SYNJ2: variants seen among roughly 807,000 people sequenced by gnomAD.
The protein encoded by SYNJ2 is synaptojanin 2, also known as polyphosphatidylinositol phosphatase SYNJ2.
SYNJ2 carries 116 observed loss-of-function variants against 141.3 expected under a neutral mutation model. The observed-to-expected ratio is 0.82, with a 90% CI of 0.71 to 0.96. SYNJ2 has a LOEUF of 0.96. Among genes scored for constraint, SYNJ2 ranks in the 40% least tolerant of loss-of-function variants. SYNJ2 has a pLI of 0.00. For synonymous variants in SYNJ2, 745 were observed against 777.7 expected, an observed-to-expected ratio of 0.96 and a Z score of 0.70; for missense variants, 1,873 against 1,934.8, an observed-to-expected ratio of 0.97 and a Z score of 0.60.
In SYNJ2 at chr6:158,062,175, C is replaced by T; in HGVS notation, c.1127+11C>T. On this transcript the variant is annotated intron_variant, in intron 8 of 26. Transcript: ENST00000355585. ...GAACGTCAGTCCACGGTGAGGCTCG[C>T]TGCGCACTGTGCCGCGTCTTCTGCT... is the stretch of plus-strand genomic sequence containing the variant. The T allele has an allele frequency of 1.2e-6, 2 of 1,610,736 alleles. No homozygotes were observed. Among genetic ancestry groups the T allele is most frequent in the East Asian group, 2.2e-5 (1 of 44,798 alleles).
chr6:157,999,609 C>T (rs982413220), intron 1 of SYNJ2, among the ~76,000 whole-genome samples: 2 of 152,206 alleles, frequency 1.3e-5, no homozygotes, highest in African/African-American at 4.8e-5. Flanking sequence ...GTGCTAGAGG[C>T]GGACAACAGC....
At chr6:158,029,273 G>A (rs369856745) in intron 3 of SYNJ2, 3 of 418,574 alleles carry the variant, frequency 7.2e-6, no homozygotes, top group African/African-American at 2.0e-5. Context: ...CCTGCGCCAG[G>A]CATGGTGCCT....
chr6:158,088,033 AATTTT>A lies in SYNJ2; in HGVS notation c.3344-626_3344-622del, dbSNP rs1783182734. Among the ~76,000 whole-genome samples the A allele has an allele frequency of 3.1e-3, 115 of 36,844 alleles. 4 individuals carry two copies. Among genetic ancestry groups the A allele is most frequent in the Non-Finnish European group, 4.3e-3 (74 of 17,246 alleles). 24.2% of individuals were successfully genotyped at this position (36,844 alleles called of 152,430 possible). ...TTAACAGTTTATTCCCCTGCTTTGG[AATTTT>A]TTTTTTTTTTTTTTTTTTTTTTTTT... is the stretch of plus-strand genomic sequence containing the variant. On this transcript the variant is annotated intron_variant, in intron 23 of 26. Coordinates refer to ENST00000355585, the MANE Select transcript of SYNJ2 (RefSeq NM_003898.4).
intron 26 of SYNJ2, chr6:158,094,009 G>A: frequency 2.6e-6 from 2 of 764,940 alleles, no homozygotes; most frequent in Non-Finnish European, 4.8e-6. Context: ...TCTTCCGTTT[G>A]ATCTCAGTGT....
Position 158,067,889 on chromosome 6 carries a change from T to C in SYNJ2, c.1718-758T>C, listed in dbSNP as rs1781661851. On this transcript the variant is annotated intron_variant, in intron 12 of 26. Coordinates refer to ENST00000355585, the MANE Select transcript of SYNJ2 (RefSeq NM_003898.4). ...GGAGCAGGCCCATCAACGCGGAGAGTGCTTAGCACAGCCGTGGCTCAAGAG... is the reference window on the plus strand; with the variant it reads ...GGAGCAGGCCCATCAACGCGGAGAGCGCTTAGCACAGCCGTGGCTCAAGAG... 6.1e-6 allele frequency: 6 copies of C among 984,638 alleles called. No homozygotes were observed. In the Admixed American group the frequency reaches 3.1e-4, roughly 51 times the overall value. 61.0% of individuals were successfully genotyped at this position (984,638 alleles called of 1,614,324 possible). A position where few individuals can be genotyped will look rare whatever the true frequency, so the allele number is the denominator to read the frequency against.
chr6:158,012,556 G>T (rs1293886047), intron 1 of SYNJ2, among the ~76,000 whole-genome samples: 1 of 152,222 alleles, frequency 6.6e-6, no homozygotes, highest in East Asian at 1.9e-4. Flanking sequence ...GCAGCCTTCG[G>T]AGCAGATGCA....
intron 4 of SYNJ2, among the ~76,000 whole-genome samples, chr6:158,036,879 G>T (rs970790126): frequency 6.6e-6 from 1 of 152,152 alleles, no homozygotes; most frequent in Admixed American, 6.5e-5. Context: ...CATGGGGAGA[G>T]TCCCTTCCCT....
chr6:158,017,633 C>G (rs969231543), intron 2 of SYNJ2: 2 of 427,886 alleles, frequency 4.7e-6, no homozygotes, highest in Non-Finnish European at 9.5e-6. Context: ...TCAGGCTGGT[C>G]TGAAACTCCG....
chr6:158,011,148 A>G (rs1407023481), intron 1 of SYNJ2, among the ~76,000 whole-genome samples: 1 of 152,176 alleles, frequency 6.6e-6, no homozygotes, highest in Non-Finnish European at 1.5e-5. Context: ...ACGAGGGGAC[A>G]TATTGGGAGA....
At chr6:158,022,888 C>T (rs898887190) in intron 2 of SYNJ2, among the ~76,000 whole-genome samples, 37 of 152,178 alleles carry the variant, frequency 2.4e-4, no homozygotes, top group African/African-American at 7.5e-4. Context: ...ACCACACTGA[C>T]GGTGGCCCGG....
chr6:158,068,440 G>A (rs1781701730), intron 12 of SYNJ2, among the ~76,000 whole-genome samples: 1 of 152,228 alleles, frequency 6.6e-6, no homozygotes, highest in Non-Finnish European at 1.5e-5. Flanking sequence ...ATGGACGGAG[G>A]GCCCCTCTGG....
chr6:158,082,302 C>T (rs1375356024), intron 20 of SYNJ2, among the ~76,000 whole-genome samples: 2 of 152,086 alleles, frequency 1.3e-5, no homozygotes, highest in Non-Finnish European at 2.9e-5. Flanking sequence ...GCCTGGCCAA[C>T]ATAGTGAAAC....
chr6:158,004,837 C>T (rs1438539111), intron 1 of SYNJ2, among the ~76,000 whole-genome samples: 10 of 152,020 alleles, frequency 6.6e-5, no homozygotes, highest in African/African-American at 2.4e-4. Context: ...GGTGAGTTTT[C>T]CCTCTTTCTC....
At chr6:158,094,269 A>G (rs1783659488) in intron 26 of SYNJ2, among the ~76,000 whole-genome samples, 1 of 152,112 alleles carries the variant, frequency 6.6e-6, no homozygotes. Flanking sequence ...GTTACATCCC[A>G]ATAAACCCAT....
At chr6:158,003,156 A>G (rs1308667604) in intron 1 of SYNJ2, among the ~76,000 whole-genome samples, 3 of 152,168 alleles carry the variant, frequency 2.0e-5, no homozygotes, top group Admixed American at 6.5e-5. Context: ...GGTGGGAGGT[A>G]GTGCATTTGC....
At chr6:157,992,806 T>C (rs942656702) in intron 1 of SYNJ2, among the ~76,000 whole-genome samples, 1 of 152,342 alleles carries the variant, frequency 6.6e-6, no homozygotes, top group Non-Finnish European at 1.5e-5. Context: ...AGTACTCCAC[T>C]GTGTATATGT....
intron 1 of SYNJ2, among the ~76,000 whole-genome samples, chr6:157,987,438 T>C (rs1463487082): frequency 3.3e-5 from 5 of 152,178 alleles, no homozygotes; most frequent in Non-Finnish European, 7.4e-5. Flanking sequence ...TCTTGCTCTC[T>C]CACCCAGGCT....
intron 1 of SYNJ2, among the ~76,000 whole-genome samples, chr6:158,000,065 T>C (rs1219513640): frequency 6.1e-5 from 2 of 32,670 alleles, no homozygotes; most frequent in African/African-American, 5.1e-4. Context: ...GCCAAAAGGC[T>C]TTTTTTTTTT....
At position 158,028,665 on chromosome 6, in the gene SYNJ2, C is replaced by A. The variant is rs552505979; in HGVS notation, c.215-91C>A. ...TGCACAGACGTTGCCTTCCTGGCTG[C>A]GGTTGAACCTGGGCTCCATTTGTCC... On this transcript the variant is annotated intron_variant, in intron 2 of 26. Coordinates refer to ENST00000355585, the MANE Select transcript of SYNJ2 (RefSeq NM_003898.4). The A allele has an allele frequency of 3.9e-6, 6 of 1,526,978 alleles. No individual in the cohort carries two copies. In the African/African-American group the frequency reaches 6.9e-5, roughly 18 times the overall value. The allele number at this position is 1,526,978 out of a possible 1,614,324, so 94.6% of individuals were successfully genotyped here. A position where few individuals can be genotyped will look rare whatever the true frequency, so the allele number is the denominator to read the frequency against.
Sources: gnomAD v4.1 joint callset for allele counts (sites outside exome capture counted in the v4.1 genomes callset) on GRCh38, gnomAD v4.1.1 for gene constraint, MANE v1.5 for transcripts, NCBI Gene and HGNC (gene_info 2026-07-23, HGNC 2026-07-21) for gene names.